The following THSD7B variants were observed in gnomAD, a reference collection of about 807,000 sequenced individuals.
The protein encoded by THSD7B is thrombospondin type-1 domain-containing protein 7B.
A neutral mutation model predicts 213.6 loss-of-function variants in THSD7B; 138 were observed. That is an observed-to-expected ratio of 0.65 (90% CI 0.56 to 0.74). The LOEUF is 0.74. THSD7B is among the 30% of genes least tolerant of loss of function. The pLI, the probability that THSD7B is intolerant of heterozygous loss-of-function variation, is 0.00. For synonymous variants in THSD7B, 742 were observed against 687.0 expected, an observed-to-expected ratio of 1.08 and a Z score of -1.25; for missense variants, 1,931 against 1,991.5, an observed-to-expected ratio of 0.97 and a Z score of 0.58.
chr2:137,047,991 G>A (rs1490952606), intron 2 of THSD7B, among the ~76,000 whole-genome samples: 1 of 152,058 alleles, frequency 6.6e-6, no homozygotes, highest in African/African-American at 2.4e-5. Flanking sequence ...CACATGCCAT[G>A]GTGGTTTGCC....
chr2:137,504,716 C>T (rs563994621), intron 15 of THSD7B, among the ~76,000 whole-genome samples: 118 of 152,240 alleles, frequency 7.8e-4, no homozygotes, highest in African/African-American at 2.7e-3. Flanking sequence ...AAAGAATATG[C>T]GAGAGTGCTG....
chr2:137,024,946 C>T (rs994693660), intron 2 of THSD7B, among the ~76,000 whole-genome samples: 2 of 152,156 alleles, frequency 1.3e-5, no homozygotes, highest in South Asian at 4.1e-4. Context: ...GCCAGAGGGG[C>T]CCACCACTGT....
intron 2 of THSD7B, among the ~76,000 whole-genome samples, chr2:136,959,683 G>A (rs1393626562): frequency 6.6e-6 from 1 of 152,166 alleles, no homozygotes; most frequent in Non-Finnish European, 1.5e-5. Flanking sequence ...CCTAAATTCT[G>A]GGTGACTAGA....
At chr2:137,397,882 C>A (rs894754500) in intron 12 of THSD7B, among the ~76,000 whole-genome samples, 2 of 78,244 alleles carry the variant, frequency 2.6e-5, no homozygotes, top group African/African-American at 8.9e-5. Flanking sequence ...ATTCTTTTTT[C>A]TCTAAACTTC....
intron 7 of THSD7B, among the ~76,000 whole-genome samples, chr2:137,198,884 T>G (rs1680819894): frequency 6.6e-6 from 1 of 152,210 alleles, no homozygotes; most frequent in African/African-American, 2.4e-5. Flanking sequence ...ACCCTTATTA[T>G]TTGAGTATTA....
rs903147599 is a variant in THSD7B, at chr2:137,044,158, T to G, written c.140-12262T>G. Among the ~76,000 whole-genome samples, 8 of 152,210 alleles carry G rather than the reference T, an allele frequency of 5.3e-5. No homozygotes were observed. The East Asian group carries it at 1.3e-3, about 26-fold the overall frequency. On this transcript the variant is annotated intron_variant, in intron 2 of 27. Transcript: ENST00000409968. ...CACATTAACAGCCTTGAAGCACAGCTGCTCCTGGCTCACTTCTTCTTAGAT... is the reference window on the plus strand; with the variant it reads ...CACATTAACAGCCTTGAAGCACAGCGGCTCCTGGCTCACTTCTTCTTAGAT...
intron 2 of THSD7B, among the ~76,000 whole-genome samples, chr2:136,901,466 T>G (rs966063146): frequency 2.0e-5 from 3 of 152,234 alleles, no homozygotes; most frequent in Non-Finnish European, 4.4e-5. Flanking sequence ...AAAGCCCATG[T>G]GCTTCCTAAT....
chr2:137,622,233 T>C (rs1331756558), intron 20 of THSD7B, among the ~76,000 whole-genome samples: 1 of 150,992 alleles, frequency 6.6e-6, no homozygotes, highest in African/African-American at 2.4e-5. Context: ...ACATGCAAAA[T>C]ACAATCATTC....
chr2:137,496,889 A>G (rs1157192897), intron 15 of THSD7B, among the ~76,000 whole-genome samples: 2 of 152,160 alleles, frequency 1.3e-5, no homozygotes, highest in South Asian at 4.1e-4. Flanking sequence ...ATTCACATAC[A>G]CAGAGGTTAC....
chr2:137,281,920 G>A (rs1305372750), intron 12 of THSD7B, among the ~76,000 whole-genome samples: 10 of 152,286 alleles, frequency 6.6e-5, no homozygotes, highest in African/African-American at 2.2e-4. Flanking sequence ...TATATACCCA[G>A]TAATGGGATG....
chr2:136,890,304 CTTCTTCTTCTTCT>C (rs1558839767), intron 2 of THSD7B, among the ~76,000 whole-genome samples: 5 of 10,732 alleles, frequency 4.7e-4, no homozygotes, highest in Admixed American at 9.3e-4. Flanking sequence ...TGTCCTACTC[CTTCTTCTTCTTCT>C]TCTTCTTCTT....
chr2:137,285,077 G>T (rs578172840), intron 12 of THSD7B, among the ~76,000 whole-genome samples: 14 of 152,086 alleles, frequency 9.2e-5, no homozygotes, highest in African/African-American at 2.9e-4. Flanking sequence ...TATGAATCTG[G>T]GTGCTCCCGT....
intron 2 of THSD7B, among the ~76,000 whole-genome samples, chr2:136,957,586 C>T (rs989742190): frequency 7.3e-5 from 11 of 151,252 alleles, no homozygotes; most frequent in African/African-American, 2.7e-4. Context: ...TGCAATAAAA[C>T]CTCCTGAGTT....
At position 137,572,514 on chromosome 2, in the gene THSD7B, G is replaced by A. The variant is rs376231284; in HGVS notation, c.3381G>A (p.Glu1127=). The change falls in exon 17 of 28, where the codon GAG becomes GAA. Residue 1127 remains glutamate (E), a synonymous_variant. Coordinates refer to ENST00000409968, the MANE Select transcript of THSD7B (RefSeq NM_001316349.2). ...TQSCSLMCPN[E]CVMSEWGLWS... ...CCTGTTCTCTTATGTGTCCCAATGA[G>A]TGTGTCATGTCTGAGTGGGGACTTT... is the stretch of plus-strand genomic sequence containing the variant. 5.6e-6 allele frequency: 9 copies of A among 1,613,778 alleles called. No individual in the cohort carries two copies. Among genetic ancestry groups the A allele is most frequent in the Middle Eastern group, 1.6e-4 (1 of 6,084 alleles).
At chr2:137,275,051 G>T (rs1682836730) in intron 11 of THSD7B, among the ~76,000 whole-genome samples, 1 of 152,076 alleles carries the variant, frequency 6.6e-6, no homozygotes, top group Non-Finnish European at 1.5e-5. Flanking sequence ...AGCAGAATCT[G>T]TAGTTATACT....
intron 15 of THSD7B, among the ~76,000 whole-genome samples, chr2:137,509,177 C>T (rs543762162): frequency 6.6e-6 from 1 of 152,284 alleles, no homozygotes; most frequent in African/African-American, 2.4e-5. Flanking sequence ...TATATTTGTC[C>T]TGCACAACTT....
At chr2:137,644,993 A>G (rs1390196605) in intron 21 of THSD7B, among the ~76,000 whole-genome samples, 1 of 152,178 alleles carries the variant, frequency 6.6e-6, no homozygotes. Flanking sequence ...ATATACACAC[A>G]TATGCTCATA....
At chr2:137,237,548 T>G (rs1257851976) in intron 9 of THSD7B, among the ~76,000 whole-genome samples, 3 of 152,172 alleles carry the variant, frequency 2.0e-5, no homozygotes, top group African/African-American at 7.2e-5. Flanking sequence ...ATCAAGGCAC[T>G]CAAAATTAGT....
intron 17 of THSD7B, among the ~76,000 whole-genome samples, chr2:137,598,990 G>T (rs528180768): frequency 1.4e-5 from 2 of 147,980 alleles, no homozygotes; most frequent in Non-Finnish European, 3.0e-5. Context: ...CCACTAACTC[G>T]TCATCTAGCC....
Sources: gnomAD v4.1 joint callset for allele counts (sites outside exome capture counted in the v4.1 genomes callset) on GRCh38, gnomAD v4.1.1 for gene constraint, MANE v1.5 for transcripts, NCBI Gene and HGNC (gene_info 2026-07-23, HGNC 2026-07-21) for gene names.